The following ITIH5 variants were observed in gnomAD, a reference collection of about 807,000 sequenced individuals.
ITIH5 encodes inter-alpha-trypsin inhibitor heavy chain H5.
Under a neutral mutation model 77.5 loss-of-function variants are expected in ITIH5, and 65 were observed. The ratio of observed to expected loss-of-function variants is 0.84; its 90% CI spans 0.69 to 1.03. The LOEUF (loss-of-function observed/expected upper bound fraction) is 1.03, where lower values mean the gene tolerates loss of function less well. ITIH5 is among the 50% of genes least tolerant of loss of function. The pLI, the probability that ITIH5 is intolerant of heterozygous loss-of-function variation, is 0.00. For missense variants in ITIH5, 1,208 were observed against 1,213.1 expected (o/e 1.00, Z 0.06); for synonymous variants, 525 against 494.3 (o/e 1.06, Z -0.82).
intron 7 of ITIH5, among the ~76,000 whole-genome samples, chr10:7,596,275 A>G (rs1832895159): frequency 6.6e-6 from 1 of 152,172 alleles, no homozygotes; most frequent in Non-Finnish European, 1.5e-5. Flanking sequence ...ACAGCCCTCA[A>G]AGGGGAAGCA....
rs548449710 is a variant in ITIH5 at position 7,659,362 on chromosome 10, A to G, written c.91-3687T>C. 2.6e-5 allele frequency among the ~76,000 whole-genome samples: 4 copies of G among 152,160 alleles called. No homozygotes were observed. In the South Asian group the frequency reaches 8.3e-4, roughly 32 times the overall value. On this transcript the variant is annotated intron_variant, in intron 1 of 13. Coordinates refer to ENST00000397146, the MANE Select transcript of ITIH5 (RefSeq NM_030569.7). Reference sequence around the variant, plus strand: ...CCACTATACTCCAGCCTGGGCAACAATGTGAGAGTCCATTTCAAAAAAAAA... The same window carrying G: ...CCACTATACTCCAGCCTGGGCAACAGTGTGAGAGTCCATTTCAAAAAAAAA...
chr10:7,662,771 C>G (rs975307319), intron 1 of ITIH5, among the ~76,000 whole-genome samples: 6 of 152,224 alleles, frequency 3.9e-5, no homozygotes, highest in Non-Finnish European at 7.3e-5. Context: ...CTTCCGCACT[C>G]TGCCCTACAA....
chr10:7,580,135 T>C (rs1454437379), intron 8 of ITIH5, 71 bp from the exon 9 acceptor site: 2 of 1,331,890 alleles, frequency 1.5e-6, no homozygotes, highest in Non-Finnish European at 2.0e-6. Context: ...ACTTTCTTTT[T>C]TTTGAGACGG....
At chr10:7,603,063 C>T (rs1259556152) in intron 7 of ITIH5, among the ~76,000 whole-genome samples, 1 of 152,174 alleles carries the variant, frequency 6.6e-6, no homozygotes, top group African/African-American at 2.4e-5. Flanking sequence ...AAATCCTACA[C>T]CTGAGCATCA....
Position 7,658,595 on chromosome 10 carries a change from C to T in ITIH5, c.91-2920G>A, listed in dbSNP as rs150149543. 2.4e-4 allele frequency among the ~76,000 whole-genome samples: 37 copies of T among 152,250 alleles called. No individual in the cohort carries two copies. In the East Asian group the frequency reaches 6.9e-3, roughly 29 times the overall value. On this transcript the variant is annotated intron_variant, in intron 1 of 13. Transcript: ENST00000397146. ...CTTGGTTTTATACATTTTAGGGAGA[C>T]ATGAGATGTCAATCAAATACATGTA...
chr10:7,635,196 G>A (rs570161816), intron 5 of ITIH5, among the ~76,000 whole-genome samples: 3 of 152,308 alleles, frequency 2.0e-5, no homozygotes, highest in Admixed American at 6.5e-5. Context: ...ACCTGCTTTC[G>A]AAGGCACCAA....
chr10:7,584,214 T>C (rs1832625497), intron 8 of ITIH5, among the ~76,000 whole-genome samples: 1 of 152,060 alleles, frequency 6.6e-6, no homozygotes. Flanking sequence ...GGCAATGCAG[T>C]TCAAGAAAAA....
At chr10:7,569,824 C>G in intron 11 of ITIH5, 40 bp from the exon 12 acceptor site, 1 of 1,248,416 alleles carries the variant, frequency 8.0e-7, no homozygotes, top group Non-Finnish European at 1.1e-6. Context: ...AAGAAAGACA[C>G]TTATTCAGTA....
At chr10:7,567,544 T>C (rs1470737198) in intron 12 of ITIH5, among the ~76,000 whole-genome samples, 1 of 149,694 alleles carries the variant, frequency 6.7e-6, no homozygotes, top group Non-Finnish European at 1.5e-5. Context: ...TGTGTCCAAG[T>C]GTTCTCATTG....
At chr10:7,663,656 T>C (rs1834315365) in intron 1 of ITIH5, among the ~76,000 whole-genome samples, 1 of 152,174 alleles carries the variant, frequency 6.6e-6, no homozygotes, top group African/African-American at 2.4e-5. Flanking sequence ...AACTTTACTC[T>C]CCTCCCAAAG....
chr10:7,655,800 G>T (rs759816550), intron 1 of ITIH5, 125 bp from the exon 2 acceptor site: 53 of 741,980 alleles, frequency 7.1e-5, no homozygotes, highest in Non-Finnish European at 1.1e-4. Context: ...TTCACCAAAA[G>T]CTGTATCTAT....
chr10:7,618,309 A>G (rs2131038660), intron 5 of ITIH5: 1 of 152,224 alleles, frequency 6.6e-6, no homozygotes, highest in Non-Finnish European at 1.5e-5. Context: ...AAGCTTTTTC[A>G]CATGAAATTT....
rs1832030903 is a variant in ITIH5, at chr10:7,561,020, G to T, written c.*2063C>A. On this transcript the variant is annotated 3_prime_UTR_variant, in exon 14 of 14. Coordinates refer to ENST00000397146, the MANE Select transcript of ITIH5 (RefSeq NM_030569.7). ...CTATAAGCTTGGTATGGGGTTTCGG[G>T]CTTTCAGGTACTGACCCCATTTGAA... 7.6e-6 allele frequency: 1 copy of T among 131,866 alleles called. No individual in the cohort carries two copies. The highest frequency in any genetic ancestry group is 8.1e-5 in the Admixed American group (1 of 12,366). 8.2% of individuals were successfully genotyped at this position (131,866 alleles called of 1,614,324 possible). A position where few individuals can be genotyped will look rare whatever the true frequency, so the allele number is the denominator to read the frequency against.
At chr10:7,581,441 C>T (rs1202557688) in intron 8 of ITIH5, among the ~76,000 whole-genome samples, 2 of 152,082 alleles carry the variant, frequency 1.3e-5, no homozygotes, top group African/African-American at 4.8e-5. Context: ...CATCTGTGGA[C>T]AGCAGGAGGT....
chr10:7,569,419 T>C (rs867824252), intron 12 of ITIH5: 18 of 393,854 alleles, frequency 4.6e-5, no homozygotes, highest in Middle Eastern at 1.3e-3. Context: ...CAAGAGAGTG[T>C]TCCTATCTCC....
intron 13 of ITIH5, among the ~76,000 whole-genome samples, chr10:7,565,772 G>A (rs924750618): frequency 1.5e-5 from 2 of 136,774 alleles, no homozygotes; most frequent in South Asian, 4.6e-4. Context: ...GTACACATAT[G>A]CATACATACA....
At chr10:7,660,816 T>G (rs1228210391) in intron 1 of ITIH5, among the ~76,000 whole-genome samples, 1 of 152,232 alleles carries the variant, frequency 6.6e-6, no homozygotes, top group Admixed American at 6.5e-5. Flanking sequence ...AATGACCCGG[T>G]TGACTTAAAG....
At chr10:7,664,410 A>AAC (rs1834328336) in intron 1 of ITIH5, among the ~76,000 whole-genome samples, 1 of 151,868 alleles carries the variant, frequency 6.6e-6, no homozygotes, top group Non-Finnish European at 1.5e-5. Context: ...AAAAAAAAAA[A>AAC]AAAAACTAAA....
In ITIH5 at chr10:7,560,308, T is replaced by G. The variant is rs914143836; in HGVS notation, c.*2775A>C. ...AGACATATACACTCAATCCAAGGCA[T>G]GTCGTTTAGCCAAAAGTTAAAGTTA... On this transcript the variant is annotated 3_prime_UTR_variant, in exon 14 of 14. Coordinates refer to ENST00000397146, the MANE Select transcript of ITIH5 (RefSeq NM_030569.7). The G allele has an allele frequency of 6.5e-6, 1 of 153,130 alleles. No individual in the cohort carries two copies. The highest frequency in any genetic ancestry group is 1.5e-5 in the Non-Finnish European group (1 of 68,762). The allele number at this position is 153,130 out of a possible 1,614,324, so 9.5% of individuals were successfully genotyped here.
Sources: allele counts gnomAD v4.1 joint callset (sites outside exome capture counted in the v4.1 genomes callset), GRCh38; gene constraint gnomAD v4.1.1; transcripts MANE v1.5; gene names NCBI Gene and HGNC (gene_info 2026-07-23, HGNC 2026-07-21).